SUGCT: variants seen among roughly 807,000 people sequenced by gnomAD.
SUGCT encodes the protein succinyl-CoA:glutarate CoA-transferase.
A neutral mutation model predicts 55.0 loss-of-function variants in SUGCT; 41 were observed. The observed-to-expected ratio is 0.74, with a 90% confidence interval of 0.58 to 0.97. The LOEUF is 0.97. Among genes scored for constraint, SUGCT ranks in the 50% least tolerant of loss-of-function variants. SUGCT has a pLI of 0.00. For synonymous variants in SUGCT, 187 were observed against 200.4 expected, an observed-to-expected ratio of 0.93 and a Z score of 0.56; for missense variants, 568 against 547.8, an observed-to-expected ratio of 1.04 and a Z score of -0.37.
chr7:40,751,198 C>G (rs1229929824), intron 13 of SUGCT, among the ~76,000 whole-genome samples: 1 of 152,044 alleles, frequency 6.6e-6, no homozygotes, highest in Non-Finnish European at 1.5e-5. Flanking sequence ...GCAGAGGGAA[C>G]AGCATGGGAG....
At chr7:40,471,960 C>T (rs1790423937) in intron 11 of SUGCT, among the ~76,000 whole-genome samples, 1 of 152,028 alleles carries the variant, frequency 6.6e-6, no homozygotes, top group Non-Finnish European at 1.5e-5. Context: ...AAAGTATTGT[C>T]TTACTAGAAA....
At chr7:40,774,571 G>A (rs776652051) in intron 13 of SUGCT, among the ~76,000 whole-genome samples, 1 of 152,120 alleles carries the variant, frequency 6.6e-6, no homozygotes, top group Non-Finnish European at 1.5e-5. Flanking sequence ...AGTAGAATCT[G>A]TAGGCCAAAA....
the SUGCT span, among the ~76,000 whole-genome samples, chr7:40,944,567 G>A: frequency 6.6e-6 from 1 of 151,462 alleles, no homozygotes; most frequent in Non-Finnish European, 1.5e-5. Flanking sequence ...TTTTTCTCAG[G>A]TTTGTCAAAG....
intron 9 of SUGCT, among the ~76,000 whole-genome samples, chr7:40,352,509 G>A (rs1465878499): frequency 6.6e-6 from 1 of 151,978 alleles, no homozygotes; most frequent in Non-Finnish European, 1.5e-5. Context: ...TGCCTTTCTT[G>A]TATCCATATG....
At chr7:40,744,050 T>C (rs1200436407) in intron 12 of SUGCT, among the ~76,000 whole-genome samples, 1 of 151,838 alleles carries the variant, frequency 6.6e-6, no homozygotes, top group Non-Finnish European at 1.5e-5. Context: ...GCCTCCCGAG[T>C]AGCTGAGATT....
At chr7:40,679,221 C>T (rs542445242) in intron 12 of SUGCT, among the ~76,000 whole-genome samples, 1 of 152,270 alleles carries the variant, frequency 6.6e-6, no homozygotes, top group East Asian at 1.9e-4. Flanking sequence ...TTCTAATATC[C>T]ATTATGCTGA....
At chr7:40,306,065 C>T (rs898472361) in intron 8 of SUGCT, among the ~76,000 whole-genome samples, 2 of 152,186 alleles carry the variant, frequency 1.3e-5, no homozygotes, top group Non-Finnish European at 2.9e-5. Flanking sequence ...CTCCTTTTTA[C>T]ACAAGCTCTG....
chr7:40,538,553 T>C (rs1241124397), intron 12 of SUGCT: 1 of 152,218 alleles, frequency 6.6e-6, no homozygotes, highest in Non-Finnish European at 1.5e-5. Context: ...CCTCTAAGTT[T>C]CTGGTCAGAG....
At chr7:40,319,501 C>G (rs1433715632) in intron 9 of SUGCT, among the ~76,000 whole-genome samples, 1 of 152,112 alleles carries the variant, frequency 6.6e-6, no homozygotes, top group Non-Finnish European at 1.5e-5. Flanking sequence ...TAATGGAAGA[C>G]TCTGATGGTC....
At chr7:40,447,816 A>T (rs1788931285) in intron 9 of SUGCT, among the ~76,000 whole-genome samples, 1 of 152,086 alleles carries the variant, frequency 6.6e-6, no homozygotes, top group Non-Finnish European at 1.5e-5. Context: ...TAAAGGGAGG[A>T]GGAAGTGAAG....
chr7:40,335,954 T>C (rs1369221810), intron 9 of SUGCT, among the ~76,000 whole-genome samples: 4 of 152,228 alleles, frequency 2.6e-5, no homozygotes, highest in African/African-American at 9.6e-5. Flanking sequence ...GTTTGTAACA[T>C]GAAGGGCTGT....
chr7:40,622,218 G>T (rs1259472467), intron 12 of SUGCT, among the ~76,000 whole-genome samples: 2 of 152,234 alleles, frequency 1.3e-5, no homozygotes, highest in Non-Finnish European at 2.9e-5. Flanking sequence ...TTGGAAATCA[G>T]TGTGCCAATT....
intron 6 of SUGCT, among the ~76,000 whole-genome samples, chr7:40,200,440 A>T (rs12333929): frequency 9.2e-5 from 14 of 151,642 alleles, no homozygotes; most frequent in African/African-American, 2.9e-4. Context: ...TTTTTTTTTG[A>T]GGGGGGTAAC....
In SUGCT at chr7:40,658,080, C is replaced by T. The variant is rs985515106; in HGVS notation, c.1090-91354C>T. On this transcript the variant is annotated intron_variant, in intron 12 of 13. Coordinates refer to ENST00000335693, the MANE Select transcript of SUGCT (RefSeq NM_001193313.2). ...CTTAGGTGAAAGGGAATTAAAACAA[C>T]CAAAGCCTCTAATGACAGTGAAACA... Among the ~76,000 whole-genome samples, 81 of 152,260 alleles carry T rather than the reference C, an allele frequency of 5.3e-4. No individual in the cohort carries two copies. The Middle Eastern group carries it at 0.01, about 19-fold the overall frequency.
the SUGCT span, chr7:40,980,047 G>A: frequency 6.6e-6 from 1 of 152,212 alleles, no homozygotes; most frequent in Non-Finnish European, 1.5e-5. Flanking sequence ...CAAGATCAAG[G>A]TACTGACCAA....
chr7:40,686,771 T>G (rs1317327205), intron 12 of SUGCT, among the ~76,000 whole-genome samples: 1 of 152,142 alleles, frequency 6.6e-6, no homozygotes, highest in Non-Finnish European at 1.5e-5. Flanking sequence ...AATGTCAAAT[T>G]TGGCATGTGA....
At chr7:40,851,653 C>G (rs1021830773) in intron 13 of SUGCT, among the ~76,000 whole-genome samples, 4 of 152,190 alleles carry the variant, frequency 2.6e-5, no homozygotes, top group South Asian at 2.1e-4. Context: ...ACAGCCCTTG[C>G]TTAGAGACGG....
intron 13 of SUGCT, among the ~76,000 whole-genome samples, chr7:40,758,511 C>T (rs1788369367): frequency 6.6e-6 from 1 of 152,032 alleles, no homozygotes; most frequent in African/African-American, 2.4e-5. Flanking sequence ...AGATACCTTA[C>T]TATAATCAAT....
At chr7:40,172,046 G>A (rs1332148073) in intron 1 of SUGCT, among the ~76,000 whole-genome samples, 3 of 151,874 alleles carry the variant, frequency 2.0e-5, no homozygotes, top group African/African-American at 4.8e-5. Flanking sequence ...TTGGGAACAC[G>A]GTGGAAGGAC....
Sources: gnomAD v4.1 joint callset for allele counts (sites outside exome capture counted in the v4.1 genomes callset) on GRCh38, gnomAD v4.1.1 for gene constraint, MANE v1.5 for transcripts, NCBI Gene and HGNC (gene_info 2026-07-23, HGNC 2026-07-21) for gene names.